The following IL17RD variants were observed in gnomAD, a reference collection of about 807,000 sequenced individuals.
The protein encoded by IL17RD is interleukin 17 receptor D, also known as interleukin-17 receptor D.
In IL17RD, 52 loss-of-function variants were observed where a neutral mutation model predicts 80.5. The observed-to-expected ratio is 0.65, with a 90% CI of 0.52 to 0.81. The LOEUF (loss-of-function observed/expected upper bound fraction) is 0.81. Ranked by LOEUF, IL17RD falls within the 40% of genes least tolerant of loss-of-function variation. The pLI, the probability that IL17RD is intolerant of heterozygous loss-of-function variation, is 0.00. For missense variants in IL17RD, 1,024 were observed against 955.1 expected, an observed-to-expected ratio of 1.07 and a Z score of -0.95; for synonymous variants, 416 against 391.8, an observed-to-expected ratio of 1.06 and a Z score of -0.73.
At chr3:57,108,382 CT>C (rs1338068010) in intron 5 of IL17RD, among the ~76,000 whole-genome samples, 1 of 151,736 alleles carries the variant, frequency 6.6e-6, no homozygotes, top group Non-Finnish European at 1.5e-5. Flanking sequence ...GAAATGGGGT[CT>C]TGCTATGTTG....
intron 1 of IL17RD, among the ~76,000 whole-genome samples, chr3:57,153,140 T>C (rs899151695): frequency 2.0e-5 from 3 of 152,266 alleles, no homozygotes; most frequent in African/African-American, 7.2e-5. Flanking sequence ...ACATCCTGCA[T>C]TTCCTTAGAC....
chr3:57,127,347 T>C (rs1336450465), intron 1 of IL17RD, among the ~76,000 whole-genome samples: 5 of 95,416 alleles, frequency 5.2e-5, no homozygotes, highest in Admixed American at 1.4e-4. Flanking sequence ...AAAATATATA[T>C]AAATATATAT....
intron 2 of IL17RD, among the ~76,000 whole-genome samples, chr3:57,118,400 T>C (rs1559473437): frequency 6.6e-6 from 1 of 152,258 alleles, no homozygotes; most frequent in Non-Finnish European, 1.5e-5. Context: ...ACTTTTACAA[T>C]CCTGCTTTAG....
chr3:57,153,511 G>C (rs1184013061), intron 1 of IL17RD, among the ~76,000 whole-genome samples: 2 of 152,238 alleles, frequency 1.3e-5, no homozygotes, highest in Admixed American at 1.3e-4. Flanking sequence ...GGAGGCTAAA[G>C]AGACAGGACA....
intron 10 of IL17RD, among the ~76,000 whole-genome samples, chr3:57,101,758 A>T (rs1031966203): frequency 2.6e-5 from 4 of 152,174 alleles, no homozygotes; most frequent in African/African-American, 9.7e-5. Flanking sequence ...TACAAAAGTA[A>T]AGTACATAAA....
chr3:57,135,949 G>GT (rs1343454312), intron 1 of IL17RD, among the ~76,000 whole-genome samples: 3 of 152,226 alleles, frequency 2.0e-5, no homozygotes, highest in African/African-American at 4.8e-5. Flanking sequence ...GCCTATTGAT[G>GT]TGGGTATCCT....
chr3:57,138,678 G>C (rs909665190), intron 1 of IL17RD, among the ~76,000 whole-genome samples: 2 of 152,110 alleles, frequency 1.3e-5, no homozygotes, highest in African/African-American at 2.4e-5. Context: ...GCTCACACCT[G>C]TAATCCCAGC....
chr3:57,128,992 C>T (rs1317710372), intron 1 of IL17RD, among the ~76,000 whole-genome samples: 5 of 152,122 alleles, frequency 3.3e-5, no homozygotes, highest in African/African-American at 4.8e-5. Context: ...ATTCCGAAAA[C>T]GTTAGAGACA....
Position 57,095,153 on chromosome 3 carries a change from A to G in IL17RD, c.*1240T>C, listed in dbSNP as rs986151061. ...GAATGCTGAGAAAACGGGTGCCAAAATCTAACAGCACCCATGAGAAAGGTA... is the reference window on the plus strand; with the variant it reads ...GAATGCTGAGAAAACGGGTGCCAAAGTCTAACAGCACCCATGAGAAAGGTA... On this transcript the variant is annotated 3_prime_UTR_variant, in exon 13 of 13. Coordinates refer to ENST00000296318, the MANE Select transcript of IL17RD (RefSeq NM_017563.5). 6.6e-6 allele frequency: 1 copy of G among 152,198 alleles called. No individual in the cohort carries two copies. Among genetic ancestry groups the G allele is most frequent in the Non-Finnish European group, 1.5e-5 (1 of 68,036 alleles). The allele number at this position is 152,198 out of a possible 1,614,324, so 9.4% of individuals were successfully genotyped here. A position where few individuals can be genotyped will look rare whatever the true frequency, so the allele number is the denominator to read the frequency against.
chr3:57,163,809 T>TGGGGGGGGG (rs2060325212), intron 1 of IL17RD, among the ~76,000 whole-genome samples: 1 of 10,936 alleles, frequency 9.1e-5, no homozygotes. Flanking sequence ...GGGAAGGGGG[T>TGGGGGGGGG]GGCGGGGGCG....
chr3:57,118,403 T>C (rs1707263726), intron 2 of IL17RD, among the ~76,000 whole-genome samples: 1 of 152,240 alleles, frequency 6.6e-6, no homozygotes, highest in Non-Finnish European at 1.5e-5. Context: ...TTTACAATCC[T>C]GCTTTAGCAG....
At chr3:57,134,117 C>A in intron 1 of IL17RD, 1 of 560,428 alleles carries the variant, frequency 1.8e-6, no homozygotes, top group Admixed American at 2.5e-5. Flanking sequence ...TCATTGCTTT[C>A]GCTGCTGCGG....
At chr3:57,102,140 T>G (rs1053935237) in intron 10 of IL17RD, among the ~76,000 whole-genome samples, 3 of 152,154 alleles carry the variant, frequency 2.0e-5, no homozygotes, top group Non-Finnish European at 2.9e-5. Context: ...TGGTGGTGCA[T>G]GCCTGTAGTC....
intron 7 of IL17RD, among the ~76,000 whole-genome samples, chr3:57,105,089 C>T (rs1295219731): frequency 2.6e-5 from 4 of 152,160 alleles, no homozygotes; most frequent in South Asian, 2.1e-4. Context: ...ACTAGCTGTG[C>T]GGCCTTGAGC....
Position 57,158,382 on chromosome 3 carries a change from A to C in IL17RD, c.126+6779T>G, listed in dbSNP as rs143184108. Reference sequence around the variant, plus strand: ...ACATTTTAGCATTAGTTTTACCATAAAATGAATGCTTCTTAAATAAGCACA... The same window carrying C: ...ACATTTTAGCATTAGTTTTACCATACAATGAATGCTTCTTAAATAAGCACA... On this transcript the variant is annotated intron_variant, in intron 1 of 12. Coordinates refer to ENST00000296318, the MANE Select transcript of IL17RD (RefSeq NM_017563.5). Among the ~76,000 whole-genome samples the C allele has an allele frequency of 2.1e-3, 318 of 152,366 alleles. 1 individual carries two copies. The highest frequency in any genetic ancestry group is 6.8e-3 in the Middle Eastern group (2 of 294).
At chr3:57,157,977 T>C (rs925558918) in intron 1 of IL17RD, among the ~76,000 whole-genome samples, 2 of 152,196 alleles carry the variant, frequency 1.3e-5, no homozygotes, top group Non-Finnish European at 2.9e-5. Context: ...AAACTCCTAG[T>C]TTTGAAGGCA....
chr3:57,120,124 C>A, intron 2 of IL17RD, 132 bp downstream of exon 2: 1 of 697,226 alleles, frequency 1.4e-6, no homozygotes, highest in Non-Finnish European at 2.6e-6. Context: ...GCTGCTTTAG[C>A]TGTTGACAAA....
intron 1 of IL17RD, chr3:57,134,045 C>G (rs1004746416): frequency 1.4e-5 from 5 of 353,774 alleles, no homozygotes; most frequent in Admixed American, 1.3e-4. Flanking sequence ...GTGATTAATT[C>G]TTTTTTAAAG....
intron 2 of IL17RD, among the ~76,000 whole-genome samples, chr3:57,119,222 G>A (rs1579281432): frequency 6.6e-6 from 1 of 152,164 alleles, no homozygotes; most frequent in Non-Finnish European, 1.5e-5. Context: ...CGTGGTGGCA[G>A]GCGCCTGTAG....
Sources: gnomAD v4.1 joint callset for allele counts (sites outside exome capture counted in the v4.1 genomes callset) on GRCh38, gnomAD v4.1.1 for gene constraint, MANE v1.5 for transcripts, NCBI Gene and HGNC (gene_info 2026-07-23, HGNC 2026-07-21) for gene names.